The following PTPRG variants were observed in gnomAD, a reference collection of about 807,000 sequenced individuals.
PTPRG encodes the protein protein tyrosine phosphatase receptor type G.
A neutral mutation model predicts 165.3 loss-of-function variants in PTPRG; 102 were observed. The observed-to-expected ratio is 0.62, with a 90% CI of 0.53 to 0.73. PTPRG has a LOEUF of 0.73. PTPRG is among the 30% of genes least tolerant of loss of function. The pLI is 0.00. For missense variants in PTPRG, 1,866 were observed against 1,861.4 expected (o/e 1.00, Z -0.05); for synonymous variants, 675 against 669.5 (o/e 1.01, Z -0.13).
chr3:62,176,420 A>G (rs549076423), intron 8 of PTPRG, among the ~76,000 whole-genome samples: 20 of 152,322 alleles, frequency 1.3e-4, no homozygotes, highest in Middle Eastern at 3.4e-3. Context: ...TCCAAACGCA[A>G]TATTTCCATC....
chr3:62,281,583 C>T lies in PTPRG; in HGVS notation c.3786C>T (p.Tyr1262=), dbSNP rs965910959. The T allele has an allele frequency of 6.2e-6, 8 of 1,291,802 alleles. No homozygotes were observed. The African/African-American group carries it at 1.4e-4, about 22-fold the overall frequency. 80.0% of individuals were successfully genotyped at this position (1,291,802 alleles called of 1,614,324 possible). Residue 1262 remains tyrosine, a synonymous_variant, in exon 27 of 30, where the codon TAC becomes TAT. Coordinates refer to ENST00000474889, the MANE Select transcript of PTPRG (RefSeq NM_002841.4). ...CAAAGGCAGAAGATGAGTTTGTGTA[C>T]TGGCCAAGTCGAGAAGAATCCATGA... is the stretch of plus-strand genomic sequence containing the variant. ...NQSLAEDEFV[Y]WPSREESMNC... is the part of the protein sequence containing the mutation.
In PTPRG at chr3:62,273,599, G is replaced by A. The variant is rs1702142837; in HGVS notation, c.3319-99G>A. On this transcript the variant is annotated intron_variant, in intron 22 of 29. Coordinates refer to ENST00000474889, the MANE Select transcript of PTPRG (RefSeq NM_002841.4). The surrounding 1 kb of genome is among the most constrained non-coding windows in gnomAD (Gnocchi z 4.1). ...AAGTGCTTGAAGGAAATCACTGGGA[G>A]GTCCCTGTTAGCAGCAGAATTAAAC... The A allele has an allele frequency of 1.7e-6, 2 of 1,186,866 alleles. No homozygotes were observed. The highest frequency in any genetic ancestry group is 1.5e-5 in the African/African-American group (1 of 65,862). 73.5% of individuals were successfully genotyped at this position (1,186,866 alleles called of 1,614,324 possible).
intron 2 of PTPRG, among the ~76,000 whole-genome samples, chr3:61,926,185 G>T (rs780060591): frequency 6.6e-6 from 1 of 152,140 alleles, no homozygotes; most frequent in South Asian, 2.1e-4. Flanking sequence ...TTGAGTGGTT[G>T]GTAGCTGATA....
intron 8 of PTPRG, among the ~76,000 whole-genome samples, chr3:62,174,628 G>A (rs1465289723): frequency 6.6e-6 from 1 of 152,158 alleles, no homozygotes; most frequent in Non-Finnish European, 1.5e-5. Context: ...AGCAAACAAA[G>A]AAGTAAATCC....
intron 5 of PTPRG, among the ~76,000 whole-genome samples, chr3:62,080,364 C>G (rs1186243841): frequency 2.0e-5 from 3 of 152,206 alleles, no homozygotes; most frequent in Middle Eastern, 6.8e-3. Context: ...GTGTGAGCCA[C>G]TGCGCCCAGC....
At chr3:62,258,741 A>G (rs1413766641) in intron 16 of PTPRG, among the ~76,000 whole-genome samples, 1 of 152,190 alleles carries the variant, frequency 6.6e-6, no homozygotes, top group Non-Finnish European at 1.5e-5. Context: ...CAGTCACTAG[A>G]AATAACATCA....
intron 2 of PTPRG, among the ~76,000 whole-genome samples, chr3:61,864,557 G>T (rs1001365822): frequency 6.6e-6 from 1 of 152,182 alleles, no homozygotes; most frequent in African/African-American, 2.4e-5. Flanking sequence ...GTTGTCCCTT[G>T]ATCTTTCTTT....
intron 2 of PTPRG, among the ~76,000 whole-genome samples, chr3:61,793,176 C>G (rs1382393447): frequency 6.6e-6 from 1 of 152,168 alleles, no homozygotes. Context: ...TCTGTCCCTG[C>G]TTCTCACAGT....
chr3:62,107,411 C>T (rs573886258), intron 5 of PTPRG, among the ~76,000 whole-genome samples: 1 of 152,204 alleles, frequency 6.6e-6, no homozygotes, highest in Non-Finnish European at 1.5e-5. Context: ...ATGAAATACT[C>T]CTATAACAGA....
chr3:61,693,708 G>A (rs1471044942), intron 1 of PTPRG, among the ~76,000 whole-genome samples: 1 of 152,122 alleles, frequency 6.6e-6, no homozygotes, highest in Non-Finnish European at 1.5e-5. Flanking sequence ...GAGGAATTAA[G>A]AGAAGCAAGG....
intron 2 of PTPRG, among the ~76,000 whole-genome samples, chr3:61,929,090 C>T (rs573851961): frequency 7.2e-5 from 11 of 152,236 alleles, no homozygotes; most frequent in Middle Eastern, 3.4e-3. Context: ...GTGGCATAAC[C>T]AAAACCAAAT....
intron 2 of PTPRG, among the ~76,000 whole-genome samples, chr3:61,961,940 A>G (rs1178893924): frequency 6.6e-6 from 1 of 151,234 alleles, no homozygotes; most frequent in Non-Finnish European, 1.5e-5. Flanking sequence ...CGGGCTCTGC[A>G]CTCCCCAGTT....
chr3:61,786,878 C>T (rs1575663084), intron 2 of PTPRG, among the ~76,000 whole-genome samples: 1 of 152,288 alleles, frequency 6.6e-6, no homozygotes, highest in East Asian at 1.9e-4. Flanking sequence ...ACCATAACTG[C>T]TTAAAGACAA....
At chr3:61,658,225 G>C (rs1056056314) in intron 1 of PTPRG, among the ~76,000 whole-genome samples, 5 of 152,348 alleles carry the variant, frequency 3.3e-5, no homozygotes, top group South Asian at 4.1e-4. Context: ...GTTCTGGCCT[G>C]ATGCAAGCAG....
Position 61,589,859 on chromosome 3 carries a change from A to G in PTPRG, c.85+27487A>G, listed in dbSNP as rs573479979. 5.9e-5 allele frequency among the ~76,000 whole-genome samples: 9 copies of G among 152,254 alleles called. 1 individual carries two copies. Among genetic ancestry groups the G allele is most frequent in the African/African-American group, 1.9e-4 (8 of 41,544 alleles). On this transcript the variant is annotated intron_variant, in intron 1 of 29. Coordinates refer to ENST00000474889, the MANE Select transcript of PTPRG (RefSeq NM_002841.4). ...AACTCAGCATGGAAAATGAAAGTCGAATATGGATGTGTAGTCAGGGTCAGT... is the reference window on the plus strand; with the variant it reads ...AACTCAGCATGGAAAATGAAAGTCGGATATGGATGTGTAGTCAGGGTCAGT...
chr3:61,660,597 A>G (rs983755626), intron 1 of PTPRG, among the ~76,000 whole-genome samples: 12 of 152,174 alleles, frequency 7.9e-5, no homozygotes, highest in Non-Finnish European at 1.6e-4. Flanking sequence ...GCAGTACCTC[A>G]TGGTGTTGGT....
At chr3:62,123,049 A>G (rs1168803605) in intron 5 of PTPRG, among the ~76,000 whole-genome samples, 1 of 152,202 alleles carries the variant, frequency 6.6e-6, no homozygotes, top group Admixed American at 6.5e-5. Context: ...GGAGCAAATT[A>G]CTACAAACTC....
At chr3:62,085,455 A>G (rs1009670751) in intron 5 of PTPRG, among the ~76,000 whole-genome samples, 2 of 152,208 alleles carry the variant, frequency 1.3e-5, no homozygotes, top group African/African-American at 4.8e-5. Context: ...GTTTTACTGT[A>G]AAGAGTATCT....
intron 2 of PTPRG, among the ~76,000 whole-genome samples, chr3:61,813,428 A>T (rs1322611436): frequency 6.7e-6 from 1 of 150,076 alleles, no homozygotes; most frequent in Non-Finnish European, 1.5e-5. Flanking sequence ...GGCACCGAGA[A>T]CCACTTGAAC....
Sources: allele counts gnomAD v4.1 joint callset (sites outside exome capture counted in the v4.1 genomes callset), GRCh38; gene constraint gnomAD v4.1.1; non-coding constraint Gnocchi (gnomAD v3.1); transcripts MANE v1.5; gene names NCBI Gene and HGNC (gene_info 2026-07-23, HGNC 2026-07-21).